The following SLC25A47 variants were observed in gnomAD, a reference collection of about 807,000 sequenced individuals.
SLC25A47 encodes solute carrier family 25 member 47.
A neutral mutation model predicts 29.8 loss-of-function variants in SLC25A47; 30 were observed. The observed-to-expected ratio is 1.01, with a 90% confidence interval of 0.75 to 1.36. The LOEUF (loss-of-function observed/expected upper bound fraction) is 1.36, where lower values mean the gene tolerates loss of function less well. Among genes scored for constraint, SLC25A47 ranks in the 40% most tolerant of loss-of-function variants. The probability of loss-of-function intolerance (pLI) is 0.00; values close to 1 mark genes in which losing one functional copy is unlikely to be tolerated. For synonymous variants in SLC25A47, 204 were observed against 197.8 expected, an observed-to-expected ratio of 1.03 and a Z score of -0.26; for missense variants, 430 against 441.9, an observed-to-expected ratio of 0.97 and a Z score of 0.24.
chr14:100,328,414 GTAT>G (rs1394418271), intron 4 of SLC25A47, among the ~76,000 whole-genome samples: 1 of 152,144 alleles, frequency 6.6e-6, no homozygotes, highest in African/African-American at 2.4e-5. Context: ...CCTGGCCATG[GTAT>G]TATTTTATTG....
chr14:100,327,784 C>G (rs541049178), intron 4 of SLC25A47, among the ~76,000 whole-genome samples: 14 of 152,382 alleles, frequency 9.2e-5, no homozygotes, highest in Non-Finnish European at 1.9e-4. Flanking sequence ...GCATGGAGCA[C>G]CTGCGGTGCC....
At chr14:100,325,864 AG>A in intron 2 of SLC25A47, 33 bp downstream of exon 2, 1 of 1,604,110 alleles carries the variant, frequency 6.2e-7, no homozygotes, top group Non-Finnish European at 8.5e-7. Flanking sequence ...AACCATCCTA[AG>A]GCCCCTGCAC....
intron 3 of SLC25A47, among the ~76,000 whole-genome samples, chr14:100,326,769 T>C (rs769140957): frequency 1.3e-5 from 2 of 151,770 alleles, no homozygotes; most frequent in Non-Finnish European, 2.9e-5. Context: ...TGGTCAGGAG[T>C]TCAAGACAAG....
At position 100,326,142 on chromosome 14, in the gene SLC25A47, C is replaced by T; in HGVS notation, c.73-15C>T. ...GCCTGGAGCCGCTCGTGCCTGAAGC[C>T]CACTTCTCCTGCAGGTCAGGATCCA... On this transcript the variant is annotated splice_polypyrimidine_tract_variant and intron_variant, in intron 2 of 5. Coordinates refer to ENST00000361529, the MANE Select transcript of SLC25A47 (RefSeq NM_207117.4). 1.9e-6 allele frequency: 3 copies of T among 1,611,346 alleles called. No individual in the cohort carries two copies. The highest frequency in any genetic ancestry group is 1.7e-4 in the Middle Eastern group (1 of 6,060).
At chr14:100,325,504 G>A (rs965624937) in intron 1 of SLC25A47, among the ~76,000 whole-genome samples, 10 of 152,348 alleles carry the variant, frequency 6.6e-5, no homozygotes, top group Admixed American at 5.2e-4. Context: ...ATGTCGGCAT[G>A]TCTTTGGCCC....
chr14:100,328,494 G>A (rs1260990525), intron 4 of SLC25A47, among the ~76,000 whole-genome samples: 1 of 152,252 alleles, frequency 6.6e-6, no homozygotes, highest in Non-Finnish European at 1.5e-5. Context: ...CCCAGGAGAA[G>A]CCTGGCAGGC....
chr14:100,325,897 TTC>T, intron 2 of SLC25A47, 66 bp downstream of exon 2: 1 of 1,539,810 alleles, frequency 6.5e-7, no homozygotes, highest in Non-Finnish European at 8.8e-7. Context: ...CAGGAGACTT[TTC>T]TAGAATGCTA....
Position 100,328,971 on chromosome 14 carries a change from C to T in SLC25A47, c.573C>T (p.His191=). The change falls in exon 5 of 6, where the codon CAC becomes CAT. Residue 191 remains histidine (H), a synonymous_variant. Coordinates refer to ENST00000361529, the MANE Select transcript of SLC25A47 (RefSeq NM_207117.4). The part of the protein sequence containing the change: ...GSSALVLRDG[H]SFATYFLSYA... ...CGGCCCTGGTCTTACGGGACGGCCA[C>T]TCCTTTGCCACCTACTTCCTTTCCT... 6.2e-7 allele frequency: 1 copy of T among 1,602,460 alleles called. No homozygotes were observed. Among genetic ancestry groups the T allele is most frequent in the South Asian group, 1.1e-5 (1 of 91,090 alleles).
chr14:100,329,307 G>A, intron 5 of SLC25A47, 58 bp from the exon 6 acceptor site: 1 of 1,529,564 alleles, frequency 6.5e-7, no homozygotes, highest in South Asian at 1.3e-5. Context: ...AGTCCAGGGT[G>A]CGCTGCCCTG....
At position 100,327,332 on chromosome 14, in the gene SLC25A47, G is replaced by A. The variant is rs376614287; in HGVS notation, c.289G>A (p.Asp97Asn). Residue 97 changes from aspartate (D) to asparagine (N), a missense_variant, in exon 4 of 6, where the codon GAC becomes AAC. Asp to Asn is a conservative substitution (Grantham distance 23). Coordinates refer to ENST00000361529, the MANE Select transcript of SLC25A47 (RefSeq NM_207117.4). ...CCCTGACGCCAAGCCCACCAAGGCC[G>A]ACATCACGCTCTCGGGATGCGCCTC... The part of the protein sequence containing the change: ...GNPDAKPTKA[D>N]ITLSGCASGL... The A allele has an allele frequency of 1.2e-5, 19 of 1,601,700 alleles. No individual in the cohort carries two copies. The highest frequency in any genetic ancestry group is 4.4e-5 in the South Asian group (4 of 90,992).
In SLC25A47 at chr14:100,328,882, C is replaced by A. The variant is rs1342444306; in HGVS notation, c.484C>A (p.Pro162Thr). ...PACPEPKYRG[P>T]LHCLATVARE... ...CTGCCCAGAGCCCAAGTACCGCGGG[C>A]CACTGCACTGCCTGGCCACGGTAGC... The change falls in exon 5 of 6, where the codon CCA becomes ACA. Residue 162 changes from proline (P) to threonine (T), a missense_variant. By Grantham distance (38) the Pro-to-Thr change is conservative. Coordinates refer to ENST00000361529, the MANE Select transcript of SLC25A47 (RefSeq NM_207117.4). The A allele has an allele frequency of 2.5e-6, 4 of 1,611,844 alleles. No individual in the cohort carries two copies. In the African/African-American group the frequency reaches 4.0e-5, roughly 16 times the overall value.
chr14:100,329,025 C>T lies in SLC25A47; in HGVS notation c.627C>T (p.Pro209=), dbSNP rs142537072. ...SYAVLCEWLS[P]AGHSRPDVPG... is the part of the protein sequence containing the mutation. Reference sequence around the variant, plus strand: ...CGGTCCTCTGCGAGTGGCTCAGCCCCGCTGGCCACAGCCGGCCAGGTGAGC... The same window carrying T: ...CGGTCCTCTGCGAGTGGCTCAGCCCTGCTGGCCACAGCCGGCCAGGTGAGC... Residue 209 remains proline (P), a synonymous_variant, in exon 5 of 6, where the codon CCC becomes CCT. Transcript: ENST00000361529. 5.9e-4 allele frequency: 946 copies of T among 1,599,374 alleles called. 14 individuals are homozygous for T. The South Asian group carries it at 8.2e-3, about 14-fold the overall frequency.
At chr14:100,325,976 G>A in intron 2 of SLC25A47, 145 bp downstream of exon 2, 2 of 1,029,044 alleles carry the variant, frequency 1.9e-6, no homozygotes, top group Non-Finnish European at 2.9e-6. Context: ...GACTATGTCA[G>A]TCCCACTTTC....
chr14:100,323,509 C>A, intron 1 of SLC25A47, 67 bp downstream of exon 1: 1 of 1,588,238 alleles, frequency 6.3e-7, no homozygotes, highest in South Asian at 1.1e-5. Flanking sequence ...GAACTGAGGT[C>A]CAGGAAGGTG....
intron 4 of SLC25A47, among the ~76,000 whole-genome samples, chr14:100,327,837 C>T (rs1370243910): frequency 6.6e-6 from 1 of 152,256 alleles, no homozygotes; most frequent in Non-Finnish European, 1.5e-5. Flanking sequence ...GGGAGACAGA[C>T]TTTCGCACTT....
Position 100,329,983 on chromosome 14 carries a change from C to T in SLC25A47, c.*338C>T. The T allele has an allele frequency of 2.8e-6, 1 of 352,314 alleles. No individual in the cohort carries two copies. 21.8% of individuals were successfully genotyped at this position (352,314 alleles called of 1,614,324 possible). On this transcript the variant is annotated 3_prime_UTR_variant, in exon 6 of 6. Coordinates refer to ENST00000361529, the MANE Select transcript of SLC25A47 (RefSeq NM_207117.4). Reference sequence around the variant, plus strand: ...CGCCTCCCATGTCTTTGAAGCACCCCTCCAGGGAGTCAGGTGTGTGCTCAG... The same window carrying T: ...CGCCTCCCATGTCTTTGAAGCACCCTTCCAGGGAGTCAGGTGTGTGCTCAG...
rs760817142 is a variant in SLC25A47 at position 100,327,247 on chromosome 14, C to T, written c.204C>T (p.Ser68=). The change falls in exon 4 of 6, where the codon TCC becomes TCT. Residue 68 remains serine, a synonymous_variant. Transcript: ENST00000361529. ...TGTGCACGGTGTCCCTGGTATCTTC[C>T]GTGTCTTTTGGCACCTACCGCCACT... The part of the protein sequence containing the change: ...LPVCTVSLVS[S]VSFGTYRHCL... 1.2e-5 allele frequency: 20 copies of T among 1,609,170 alleles called. No homozygotes were observed. Among genetic ancestry groups the T allele is most frequent in the Middle Eastern group, 1.6e-4 (1 of 6,084 alleles).
Position 100,328,681 on chromosome 14 carries a change from G to C in SLC25A47, c.328-45G>C, listed in dbSNP as rs1450591122. ...GGTGGGAGGCCAGGTCCAGGCTGTG[G>C]GCAGAGCCACAGGTGGCTGACCCCT... is the stretch of plus-strand genomic sequence containing the variant. On this transcript the variant is annotated intron_variant, in intron 4 of 5. Coordinates refer to ENST00000361529, the MANE Select transcript of SLC25A47 (RefSeq NM_207117.4). 5 of 1,591,264 alleles carry C rather than the reference G, an allele frequency of 3.1e-6. No individual in the cohort carries two copies. In the South Asian group the frequency reaches 5.5e-5, roughly 18 times the overall value.
In SLC25A47 at chr14:100,329,838, C is replaced by A; in HGVS notation, c.*193C>A. On this transcript the variant is annotated 3_prime_UTR_variant, in exon 6 of 6. Coordinates refer to ENST00000361529, the MANE Select transcript of SLC25A47 (RefSeq NM_207117.4). The stretch of plus-strand genomic sequence containing the variant: ...CAGCTACTGACCTCAGGTCGAGGGG[C>A]CCGCCAGCCATCAGCCAGGGTTGGC... The A allele has an allele frequency of 1.3e-6, 1 of 770,836 alleles. No individual in the cohort carries two copies. The highest frequency in any genetic ancestry group is 2.0e-6 in the Non-Finnish European group (1 of 496,654). 47.7% of individuals were successfully genotyped at this position (770,836 alleles called of 1,614,324 possible).
Sources: allele counts gnomAD v4.1 joint callset (sites outside exome capture counted in the v4.1 genomes callset), GRCh38; gene constraint gnomAD v4.1.1; transcripts MANE v1.5; gene names NCBI Gene and HGNC (gene_info 2026-07-23, HGNC 2026-07-21).